The following SEMA3C variants were observed in gnomAD, a reference collection of about 807,000 sequenced individuals.
SEMA3C encodes the protein semaphorin-3C.
SEMA3C carries 47 observed loss-of-function variants against 89.4 expected under a neutral mutation model. The observed-to-expected ratio is 0.53, with a 90% CI of 0.42 to 0.67. SEMA3C has a LOEUF of 0.67. Among genes scored for constraint, SEMA3C ranks in the 30% least tolerant of loss-of-function variants. SEMA3C has a pLI of 0.00. For synonymous variants in SEMA3C, 310 were observed against 320.2 expected (o/e 0.97, Z 0.34); for missense variants, 839 against 929.1 (o/e 0.90, Z 1.26).
At chr7:80,850,280 C>T (rs567661637) in intron 2 of SEMA3C, among the ~76,000 whole-genome samples, 2 of 152,130 alleles carry the variant, frequency 1.3e-5, no homozygotes, top group East Asian at 1.9e-4. Context: ...ACCAATGACC[C>T]CACAATTCAA....
intron 2 of SEMA3C, among the ~76,000 whole-genome samples, chr7:80,863,912 T>A (rs1583955554): frequency 8.5e-6 from 1 of 117,596 alleles, no homozygotes; most frequent in Admixed American, 8.1e-5. Context: ...TACATATATA[T>A]CACATATATA....
intron 12 of SEMA3C, among the ~76,000 whole-genome samples, chr7:80,774,298 ACATAATT>A (rs1788498149): frequency 6.6e-6 from 1 of 152,196 alleles, no homozygotes; most frequent in Non-Finnish European, 1.5e-5. Context: ...GGATTCAACA[ACATAATT>A]CATTATGTAT....
intron 2 of SEMA3C, among the ~76,000 whole-genome samples, chr7:80,911,305 G>A (rs1792142386): frequency 6.6e-6 from 1 of 152,122 alleles, no homozygotes; most frequent in Admixed American, 6.5e-5. Context: ...CTGCCACAAA[G>A]TCAGTATTAA....
At chr7:80,857,624 G>C (rs778461501) in intron 2 of SEMA3C, among the ~76,000 whole-genome samples, 18 of 152,062 alleles carry the variant, frequency 1.2e-4, no homozygotes, top group Non-Finnish European at 1.2e-4. Flanking sequence ...AAAATTAATA[G>C]AATATCTTTA....
At chr7:80,913,434 T>C (rs1339098149) in intron 2 of SEMA3C, among the ~76,000 whole-genome samples, 1 of 152,156 alleles carries the variant, frequency 6.6e-6, no homozygotes, top group East Asian at 1.9e-4. Flanking sequence ...GGTAATCCTA[T>C]GCAAGTCTAG....
At chr7:80,891,432 T>A (rs1335009472) in intron 2 of SEMA3C, among the ~76,000 whole-genome samples, 1 of 151,524 alleles carries the variant, frequency 6.6e-6, no homozygotes, top group African/African-American at 2.4e-5. Context: ...ATCTTCTCCA[T>A]CCCCCTTAAA....
At chr7:80,900,127 T>C (rs982243160) in intron 2 of SEMA3C, among the ~76,000 whole-genome samples, 1 of 151,990 alleles carries the variant, frequency 6.6e-6, no homozygotes, top group African/African-American at 2.4e-5. Flanking sequence ...TTTTTTTTTT[T>C]CTTTGAGACG....
At chr7:80,895,671 A>G (rs558161136) in intron 2 of SEMA3C, among the ~76,000 whole-genome samples, 106 of 152,210 alleles carry the variant, frequency 7.0e-4, no homozygotes, top group Non-Finnish European at 8.8e-4. Flanking sequence ...GGTCTCAGGA[A>G]TACATGTCAT....
rs74814350 is a variant in SEMA3C at position 80,884,834 on chromosome 7, A to G, written c.103+31845T>C. ...GGTCACAAGATTGTGATAACAAATC[A>G]AAAACCAGGTTGTGATAATATGTTG... is the stretch of plus-strand genomic sequence containing the variant. On this transcript the variant is annotated intron_variant, in intron 2 of 17. Transcript: ENST00000265361. Among the ~76,000 whole-genome samples, 1,148 of 152,364 alleles carry G rather than the reference A, an allele frequency of 7.5e-3. 8 individuals are homozygous for G. Among genetic ancestry groups the G allele is most frequent in the Middle Eastern group, 0.014 (4 of 294 alleles).
chr7:80,883,289 G>A (rs570266349), intron 2 of SEMA3C, among the ~76,000 whole-genome samples: 5 of 152,204 alleles, frequency 3.3e-5, no homozygotes, highest in African/African-American at 4.8e-5. Context: ...AGCAGGTTAC[G>A]TCACACATGG....
At chr7:80,799,564 C>A (rs1438279277) in intron 10 of SEMA3C, among the ~76,000 whole-genome samples, 2 of 152,060 alleles carry the variant, frequency 1.3e-5, no homozygotes, top group Non-Finnish European at 2.9e-5. Flanking sequence ...GAAAATTGGC[C>A]AGGCACGGTG....
At chr7:80,757,691 C>T (rs2117046163) in intron 15 of SEMA3C, among the ~76,000 whole-genome samples, 1 of 152,324 alleles carries the variant, frequency 6.6e-6, no homozygotes, top group African/African-American at 2.4e-5. Context: ...AAAAAGACGG[C>T]CGGGAGCGGT....
chr7:80,765,306 T>C (rs1788273937), intron 12 of SEMA3C, 63 bp from the exon 13 acceptor site: 24 of 1,200,202 alleles, frequency 2.0e-5, no homozygotes, highest in Non-Finnish European at 2.8e-5. Flanking sequence ...TATTTAGACA[T>C]AGGACTACTG....
At chr7:80,776,488 AG>A (rs1341338577) in intron 12 of SEMA3C, among the ~76,000 whole-genome samples, 1 of 152,172 alleles carries the variant, frequency 6.6e-6, no homozygotes, top group East Asian at 1.9e-4. Flanking sequence ...ATCAAAGAAA[AG>A]AGCCTACGTG....
intron 12 of SEMA3C, among the ~76,000 whole-genome samples, chr7:80,774,238 T>G (rs73137708): frequency 0.11 from 16,725 of 152,096 alleles, 1,029 homozygotes; most frequent in Non-Finnish European, 0.14. Context: ...TGAACACCAT[T>G]CAGAGGAAGA....
At chr7:80,785,456 T>C (rs1788779485) in intron 12 of SEMA3C, among the ~76,000 whole-genome samples, 1 of 152,130 alleles carries the variant, frequency 6.6e-6, no homozygotes. Flanking sequence ...TTATAACAGC[T>C]GAAGGGCTGT....
chr7:80,744,805 T>C lies in SEMA3C; in HGVS notation c.*89A>G. On this transcript the variant is annotated 3_prime_UTR_variant, in exon 18 of 18. Coordinates refer to ENST00000265361, the MANE Select transcript of SEMA3C (RefSeq NM_006379.5). ...TAATCACCTTTTTCAGTAATTCCCCTTGGTAAAGCACAAGTTTCTTTGCTC... is the reference window on the plus strand; with the variant it reads ...TAATCACCTTTTTCAGTAATTCCCCCTGGTAAAGCACAAGTTTCTTTGCTC... 1 of 1,448,138 alleles carries C rather than the reference T, an allele frequency of 6.9e-7. No individual in the cohort carries two copies. Among genetic ancestry groups the C allele is most frequent in the Non-Finnish European group, 9.6e-7 (1 of 1,041,936 alleles). The allele number at this position is 1,448,138 out of a possible 1,614,324, so 89.7% of individuals were successfully genotyped here.
At position 80,918,817 on chromosome 7, in the gene SEMA3C, A is replaced by AT; in HGVS notation, c.-39+10dup. The AT allele has an allele frequency of 1.0e-6, 1 of 985,434 alleles. No individual in the cohort carries two copies. Among genetic ancestry groups the AT allele is most frequent in the Non-Finnish European group, 1.2e-6 (1 of 829,938 alleles). 61.0% of individuals were successfully genotyped at this position (985,434 alleles called of 1,614,324 possible). A position where few individuals can be genotyped will look rare whatever the true frequency, so the allele number is the denominator to read the frequency against. On this transcript the variant is annotated intron_variant, in intron 1 of 17. Transcript: ENST00000265361. ...AAATCTGTAATGCGGAAAATGACCA[A>AT]TTTAGCTTACCGAGGTTGAAAGAAA... is the stretch of plus-strand genomic sequence containing the variant.
At chr7:80,859,737 A>G (rs999578986) in intron 2 of SEMA3C, among the ~76,000 whole-genome samples, 2 of 152,056 alleles carry the variant, frequency 1.3e-5, no homozygotes, top group African/African-American at 2.4e-5. Flanking sequence ...TTTTGAGTCC[A>G]CTGCATGGTA....
Sources: gnomAD v4.1 joint callset for allele counts (sites outside exome capture counted in the v4.1 genomes callset) on GRCh38, gnomAD v4.1.1 for gene constraint, MANE v1.5 for transcripts, NCBI Gene and HGNC (gene_info 2026-07-23, HGNC 2026-07-21) for gene names.